The following DYNC1I1 variants were observed in gnomAD, a reference collection of about 807,000 sequenced individuals.
DYNC1I1 encodes the protein cytoplasmic dynein 1 intermediate chain 1.
A neutral mutation model predicts 86.6 loss-of-function variants in DYNC1I1; 43 were observed. The ratio of observed to expected loss-of-function variants is 0.50; its 90% confidence interval spans 0.39 to 0.64. DYNC1I1 has a LOEUF of 0.64. Among genes scored for constraint, DYNC1I1 ranks in the 30% least tolerant of loss-of-function variants. The pLI, the probability that DYNC1I1 is intolerant of heterozygous loss-of-function variation, is 0.00. For synonymous variants in DYNC1I1, 262 were observed against 283.7 expected (o/e 0.92, Z 0.77); for missense variants, 604 against 788.8 (o/e 0.77, Z 2.81).
intron 14 of DYNC1I1, among the ~76,000 whole-genome samples, chr7:96,041,653 A>G (rs1284633444): frequency 3.9e-5 from 6 of 152,202 alleles, no homozygotes; most frequent in African/African-American, 1.4e-4. Flanking sequence ...AGAAAAAATG[A>G]AGAAGACTTC....
intron 6 of DYNC1I1, among the ~76,000 whole-genome samples, chr7:95,970,032 G>A (rs2115576030): frequency 6.6e-6 from 1 of 152,300 alleles, no homozygotes; most frequent in African/African-American, 2.4e-5. Context: ...AGTGGTGCAT[G>A]TTATACTTTA....
chr7:96,067,090 C>G (rs1277631154), intron 14 of DYNC1I1, among the ~76,000 whole-genome samples: 1 of 152,012 alleles, frequency 6.6e-6, no homozygotes, highest in Non-Finnish European at 1.5e-5. Flanking sequence ...ATATTTTGAA[C>G]ATTTTGGTAA....
At chr7:95,854,776 T>G (rs1222345059) in intron 5 of DYNC1I1, among the ~76,000 whole-genome samples, 1 of 152,180 alleles carries the variant, frequency 6.6e-6, no homozygotes, top group South Asian at 2.1e-4. Flanking sequence ...CAGAGCAACT[T>G]TATGCTGCTG....
At chr7:96,109,801 C>A (rs1392889838) in intron 16 of DYNC1I1, among the ~76,000 whole-genome samples, 1 of 151,902 alleles carries the variant, frequency 6.6e-6, no homozygotes, top group Non-Finnish European at 1.5e-5. Context: ...TTTTATGGCC[C>A]ATATTATAGA....
intron 5 of DYNC1I1, among the ~76,000 whole-genome samples, chr7:95,856,286 G>A (rs945878960): frequency 3.3e-5 from 5 of 152,148 alleles, no homozygotes; most frequent in African/African-American, 1.2e-4. Context: ...ACGGTCTTCA[G>A]GGGCAATAAT....
rs555340984 is a variant in DYNC1I1, at chr7:95,924,756, A to G, written c.491-52756A>G. Among the ~76,000 whole-genome samples the G allele has an allele frequency of 2.6e-5, 4 of 152,296 alleles. No individual in the cohort carries two copies. The East Asian group carries it at 7.7e-4, about 29-fold the overall frequency. On this transcript the variant is annotated intron_variant, in intron 6 of 16. Coordinates refer to ENST00000447467, the MANE Select transcript of DYNC1I1 (RefSeq NM_001135556.2). ...AAAGCTAGTACAGCACAGTGGTTCA[A>G]CTTGGAATCTGCTGAAGGGGGAGTA... is the stretch of plus-strand genomic sequence containing the variant.
intron 6 of DYNC1I1, among the ~76,000 whole-genome samples, chr7:95,937,830 A>G (rs940385294): frequency 5.9e-5 from 9 of 152,126 alleles, no homozygotes; most frequent in African/African-American, 9.6e-5. Context: ...GAAAAACAAG[A>G]AGAAAGTTTA....
At position 96,039,291 on chromosome 7, in the gene DYNC1I1, G is replaced by C. The variant is rs1371612729; in HGVS notation, c.1379G>C (p.Gly460Ala). Residue 460 changes from glycine to alanine, a missense_variant, in exon 14 of 17, where the codon GGT becomes GCT. Transcript: ENST00000447467. ...TCTTCCTACAGCAAAGCAGGTATTG[G>C]TGAGGTCTTTGAAGGTCACCAAGGG... ...ACRHGSKAGI[G>A]EVFEGHQGPV... 1 of 1,613,926 alleles carries C rather than the reference G, an allele frequency of 6.2e-7. No individual in the cohort carries two copies. Among genetic ancestry groups the C allele is most frequent in the Non-Finnish European group, 8.5e-7 (1 of 1,179,888 alleles).
intron 5 of DYNC1I1, among the ~76,000 whole-genome samples, chr7:95,862,803 T>A (rs564876775): frequency 2.0e-5 from 3 of 152,304 alleles, no homozygotes; most frequent in Non-Finnish European, 4.4e-5. Flanking sequence ...CCATTCCCAG[T>A]TACTAAAACC....
chr7:95,817,686 C>T (rs1283304448), intron 4 of DYNC1I1, among the ~76,000 whole-genome samples: 2 of 152,086 alleles, frequency 1.3e-5, no homozygotes, highest in Non-Finnish European at 1.5e-5. Flanking sequence ...AATTATTAAA[C>T]ATGACAAGGC....
chr7:96,013,529 G>T (rs958611612), intron 10 of DYNC1I1, among the ~76,000 whole-genome samples: 3 of 152,184 alleles, frequency 2.0e-5, no homozygotes, highest in Non-Finnish European at 4.4e-5. Flanking sequence ...CATGATCTCA[G>T]CTCACTGAAG....
At chr7:96,072,819 T>C (rs1328330949) in intron 14 of DYNC1I1, among the ~76,000 whole-genome samples, 1 of 152,234 alleles carries the variant, frequency 6.6e-6, no homozygotes, top group Non-Finnish European at 1.5e-5. Context: ...ATGATATACA[T>C]GAGTTTACCA....
At chr7:95,848,503 C>T (rs1375024066) in intron 5 of DYNC1I1, among the ~76,000 whole-genome samples, 4 of 152,050 alleles carry the variant, frequency 2.6e-5, no homozygotes, top group South Asian at 2.1e-4. Flanking sequence ...TTCTGTACCT[C>T]GCTTATTTCA....
chr7:95,999,068 G>T (rs1793945369), intron 10 of DYNC1I1, among the ~76,000 whole-genome samples: 2 of 152,088 alleles, frequency 1.3e-5, no homozygotes, highest in Admixed American at 1.3e-4. Flanking sequence ...AAAGCTGTCT[G>T]TACTTGGAAA....
At position 95,856,209 on chromosome 7, in the gene DYNC1I1, C is replaced by T. The variant is rs537013326; in HGVS notation, c.375-13674C>T. 1.2e-4 allele frequency among the ~76,000 whole-genome samples: 18 copies of T among 152,098 alleles called. No homozygotes were observed. In the South Asian group the frequency reaches 2.3e-3, roughly 19 times the overall value. On this transcript the variant is annotated intron_variant, in intron 5 of 16. Transcript: ENST00000447467. ...ACTGTGACATAAACATGCACATTAGCGTAAGCATACACAGTGTGAGGGTCA... is the reference window on the plus strand; with the variant it reads ...ACTGTGACATAAACATGCACATTAGTGTAAGCATACACAGTGTGAGGGTCA...
intron 6 of DYNC1I1, among the ~76,000 whole-genome samples, chr7:95,936,991 A>ACACACACACACAC (rs1792062937): frequency 4.2e-5 from 2 of 47,198 alleles, no homozygotes; most frequent in African/African-American, 1.4e-4. Flanking sequence ...CACACACACA[A>ACACACACACACAC]ATACTATTCA....
At chr7:95,777,505 C>T (rs1228769423) in intron 1 of DYNC1I1, among the ~76,000 whole-genome samples, 1 of 152,206 alleles carries the variant, frequency 6.6e-6, no homozygotes, top group Non-Finnish European at 1.5e-5. Flanking sequence ...AGATGACTTA[C>T]GTGCTCTTTA....
rs76825212 is a variant in DYNC1I1, at chr7:95,948,997, C to T, written c.491-28515C>T. On this transcript the variant is annotated intron_variant, in intron 6 of 16. Coordinates refer to ENST00000447467, the MANE Select transcript of DYNC1I1 (RefSeq NM_001135556.2). Reference sequence around the variant, plus strand: ...GTTTCCTTTGAGACCATAAAGTTTCCCAGGCCAAGTCTTCCCAGGTCCCAG... The same window carrying T: ...GTTTCCTTTGAGACCATAAAGTTTCTCAGGCCAAGTCTTCCCAGGTCCCAG... Among the ~76,000 whole-genome samples the T allele has an allele frequency of 1.2e-3, 188 of 152,186 alleles. 7 individuals are homozygous for T. The East Asian group carries it at 0.036, about 29-fold the overall frequency.
chr7:96,082,229 A>G (rs1269609084), intron 16 of DYNC1I1, among the ~76,000 whole-genome samples: 3 of 152,026 alleles, frequency 2.0e-5, no homozygotes, highest in African/African-American at 4.8e-5. Context: ...ACAAAAACAG[A>G]TATTCTTTAT....
Sources: gnomAD v4.1 joint callset for allele counts (sites outside exome capture counted in the v4.1 genomes callset) on GRCh38, gnomAD v4.1.1 for gene constraint, MANE v1.5 for transcripts, NCBI Gene and HGNC (gene_info 2026-07-23, HGNC 2026-07-21) for gene names.